The following PTPRR variants were observed in gnomAD, a reference collection of about 807,000 sequenced individuals.
PTPRR encodes the protein receptor-type tyrosine-protein phosphatase R.
A neutral mutation model predicts 77.2 loss-of-function variants in PTPRR; 38 were observed. The ratio of observed to expected loss-of-function variants is 0.49; its 90% CI spans 0.38 to 0.65. The LOEUF (loss-of-function observed/expected upper bound fraction) is 0.65. Among genes scored for constraint, PTPRR ranks in the 30% least tolerant of loss-of-function variants. The pLI is 0.00. For synonymous variants in PTPRR, 299 were observed against 283.1 expected, an observed-to-expected ratio of 1.06 and a Z score of -0.57; for missense variants, 744 against 799.2, an observed-to-expected ratio of 0.93 and a Z score of 0.83.
At chr12:70,659,656 GT>G (rs937485745) in intron 12 of PTPRR, among the ~76,000 whole-genome samples, 1 of 151,756 alleles carries the variant, frequency 6.6e-6, no homozygotes, top group African/African-American at 2.4e-5. Context: ...TTTTGTTTTT[GT>G]TTTTTTGGCT....
chr12:70,919,659 T>G (rs1893823435), intron 1 of PTPRR, among the ~76,000 whole-genome samples: 1 of 148,456 alleles, frequency 6.7e-6, no homozygotes, highest in Non-Finnish European at 1.5e-5. Context: ...GTTGTCAGCT[T>G]TGGAACTGTA....
At chr12:70,669,297 T>A (rs866862887) in intron 10 of PTPRR, among the ~76,000 whole-genome samples, 2 of 151,984 alleles carry the variant, frequency 1.3e-5, no homozygotes, top group Non-Finnish European at 2.9e-5. Flanking sequence ...AGGTTAAAGA[T>A]GAAACTGATA....
rs1891831299 is a variant in PTPRR at position 70,812,714 on chromosome 12, G to A, written c.358-47936C>T. Reference sequence around the variant, plus strand: ...GTTCGATGTGTTTATCTGTCAAAAGGATATCATCTTAGAGGTAAGAAAAGC... The same window carrying A: ...GTTCGATGTGTTTATCTGTCAAAAGAATATCATCTTAGAGGTAAGAAAAGC... On this transcript the variant is annotated intron_variant, in intron 2 of 13. Coordinates refer to ENST00000283228, the MANE Select transcript of PTPRR (RefSeq NM_002849.4). Among the ~76,000 whole-genome samples the A allele has an allele frequency of 2.0e-5, 3 of 152,126 alleles. No homozygotes were observed. The South Asian group carries it at 6.2e-4, about 31-fold the overall frequency.
At chr12:70,719,743 T>A (rs1265943603) in intron 6 of PTPRR, among the ~76,000 whole-genome samples, 1 of 152,160 alleles carries the variant, frequency 6.6e-6, no homozygotes, top group African/African-American at 2.4e-5. Context: ...GAACCCACAG[T>A]GACTGCGCGT....
intron 6 of PTPRR, among the ~76,000 whole-genome samples, chr12:70,720,738 C>T (rs1357979730): frequency 2.0e-5 from 3 of 152,082 alleles, no homozygotes; most frequent in African/African-American, 7.2e-5. Flanking sequence ...GGCTTGGCCT[C>T]CCAAATTGCT....
At chr12:70,865,141 T>C (rs1892821164) in intron 2 of PTPRR, among the ~76,000 whole-genome samples, 1 of 152,106 alleles carries the variant, frequency 6.6e-6, no homozygotes, top group Non-Finnish European at 1.5e-5. Flanking sequence ...AACGGGTTTC[T>C]CCTTTTGTTT....
At chr12:70,920,075 C>A (rs1262591462) in intron 1 of PTPRR, among the ~76,000 whole-genome samples, 2 of 151,990 alleles carry the variant, frequency 1.3e-5, no homozygotes, top group African/African-American at 4.8e-5. Flanking sequence ...AAGGGGGGAG[C>A]AAACCTGTAT....
At chr12:70,813,202 G>C (rs1236491816) in intron 2 of PTPRR, among the ~76,000 whole-genome samples, 1 of 152,208 alleles carries the variant, frequency 6.6e-6, no homozygotes, top group Non-Finnish European at 1.5e-5. Context: ...GGCTAAATGA[G>C]ATGCTACAAC....
intron 2 of PTPRR, among the ~76,000 whole-genome samples, chr12:70,884,787 G>C (rs1368855630): frequency 6.6e-6 from 1 of 150,376 alleles, no homozygotes; most frequent in Non-Finnish European, 1.5e-5. Context: ...CCAGGGAATG[G>C]CGTGAACCTG....
chr12:70,694,791 C>A (rs1513108), intron 8 of PTPRR, among the ~76,000 whole-genome samples: 1 of 151,900 alleles, frequency 6.6e-6, no homozygotes, highest in Non-Finnish European at 1.5e-5. Context: ...TGCACAGGTA[C>A]CCCCTGAATC....
chr12:70,815,570 G>T (rs543440521), intron 2 of PTPRR, among the ~76,000 whole-genome samples: 1 of 152,264 alleles, frequency 6.6e-6, no homozygotes, highest in Non-Finnish European at 1.5e-5. Flanking sequence ...GTTAATATAA[G>T]GAGGGTGAGG....
chr12:70,871,172 C>T lies in PTPRR; in HGVS notation c.357+21507G>A, dbSNP rs183740961. Among the ~76,000 whole-genome samples, 11 of 152,276 alleles carry T rather than the reference C, an allele frequency of 7.2e-5. No individual in the cohort carries two copies. The East Asian group carries it at 1.4e-3, about 19-fold the overall frequency. On this transcript the variant is annotated intron_variant, in intron 2 of 13. Coordinates refer to ENST00000283228, the MANE Select transcript of PTPRR (RefSeq NM_002849.4). Reference sequence around the variant, plus strand: ...TTCAATTCCATTCAAACATCACAGACTAACAGACTCTCTGTGGGCTAACTT... The same window carrying T: ...TTCAATTCCATTCAAACATCACAGATTAACAGACTCTCTGTGGGCTAACTT...
intron 2 of PTPRR, among the ~76,000 whole-genome samples, chr12:70,777,203 A>C (rs1305766963): frequency 6.6e-6 from 1 of 151,936 alleles, no homozygotes; most frequent in Non-Finnish European, 1.5e-5. Context: ...TGATTCTTAT[A>C]ATTTCTTATT....
chr12:70,892,089 C>T (rs1372891397), intron 2 of PTPRR, among the ~76,000 whole-genome samples: 1 of 152,032 alleles, frequency 6.6e-6, no homozygotes, highest in African/African-American at 2.4e-5. Flanking sequence ...ACTTTAAGAA[C>T]ATAAGCAATG....
rs189873028 is a variant in PTPRR at position 70,788,952 on chromosome 12, G to A, written c.358-24174C>T. 1,220 of 1,364,836 alleles carry A rather than the reference G, an allele frequency of 8.9e-4. 3 individuals carry two copies. The highest frequency in any genetic ancestry group is 5.6e-4 in the Non-Finnish European group (580 of 1,043,262). The allele number at this position is 1,364,836 out of a possible 1,614,324, so 84.5% of individuals were successfully genotyped here. A position where few individuals can be genotyped will look rare whatever the true frequency, so the allele number is the denominator to read the frequency against. On this transcript the variant is annotated intron_variant, in intron 2 of 13. Coordinates refer to ENST00000283228, the MANE Select transcript of PTPRR (RefSeq NM_002849.4). ...GTGTGCTGAGATGAAGCCTCATTTA[G>A]TCACCTGGAGGTAACCGCCTGGTAC...
chr12:70,766,979 C>T (rs1056791948), intron 2 of PTPRR, among the ~76,000 whole-genome samples: 54 of 152,112 alleles, frequency 3.6e-4, no homozygotes, highest in African/African-American at 1.1e-3. Flanking sequence ...GATTTTGTCA[C>T]CACCAGGCCT....
chr12:70,737,770 G>A (rs1447725946), intron 6 of PTPRR, among the ~76,000 whole-genome samples: 1 of 152,114 alleles, frequency 6.6e-6, no homozygotes, highest in Non-Finnish European at 1.5e-5. Flanking sequence ...TGATTCTCCT[G>A]CCTTAACCTC....
At chr12:70,640,504 C>T (rs1403296174) in intron 13 of PTPRR, among the ~76,000 whole-genome samples, 1 of 152,124 alleles carries the variant, frequency 6.6e-6, no homozygotes, top group Non-Finnish European at 1.5e-5. Flanking sequence ...ACAAAGTTAC[C>T]AGACATTAAT....
chr12:70,743,856 T>G (rs1890128721), intron 6 of PTPRR, among the ~76,000 whole-genome samples: 1 of 152,168 alleles, frequency 6.6e-6, no homozygotes, highest in African/African-American at 2.4e-5. Flanking sequence ...CCAGCAGTGG[T>G]CTACAGAGGG....
Sources: allele counts gnomAD v4.1 joint callset (sites outside exome capture counted in the v4.1 genomes callset), GRCh38; gene constraint gnomAD v4.1.1; transcripts MANE v1.5; gene names NCBI Gene and HGNC (gene_info 2026-07-23, HGNC 2026-07-21).